Variants in NR3C2 observed in about 807,000 individuals in gnomAD.
NR3C2 encodes the protein mineralocorticoid receptor.
A neutral mutation model predicts 86.4 loss-of-function variants in NR3C2; 15 were observed. The ratio of observed to expected loss-of-function variants is 0.17; its 90% CI spans 0.12 to 0.27. The LOEUF (loss-of-function observed/expected upper bound fraction) is 0.27, where lower values mean the gene tolerates loss of function less well. NR3C2 is among the 10% of genes least tolerant of loss of function. The pLI, the probability that NR3C2 is intolerant of heterozygous loss-of-function variation, is 1.00. For missense variants in NR3C2, 960 were observed against 1,195.6 expected (o/e 0.80, Z 2.91); for synonymous variants, 458 against 450.5 (o/e 1.02, Z -0.21).
rs1206438685 is a variant in NR3C2, at chr4:148,323,377, C to A, written c.1758-63260G>T. Among the ~76,000 whole-genome samples, 4 of 149,154 alleles carry A rather than the reference C, an allele frequency of 2.7e-5. No homozygotes were observed. The East Asian group carries it at 7.9e-4, about 30-fold the overall frequency. ...CAGAGGTGGAGCCTACAGAAGCAGG[C>A]AGGCCTCCTTGAGCTGTGGTGGGCT... On this transcript the variant is annotated intron_variant, in intron 2 of 8. Transcript: ENST00000358102.
chr4:148,442,182 C>G lies in NR3C2; in HGVS notation c.-25G>C, dbSNP rs1271755796. 2.6e-5 allele frequency: 4 copies of G among 152,708 alleles called. No homozygotes were observed. Among genetic ancestry groups the G allele is most frequent in the African/African-American group, 9.6e-5 (4 of 41,484 alleles). 9.5% of individuals were successfully genotyped at this position (152,708 alleles called of 1,614,324 possible). A position where few individuals can be genotyped will look rare whatever the true frequency, so the allele number is the denominator to read the frequency against. Reference sequence around the variant, plus strand: ...CACCTGCCTCGGCCGGGGTCCGTCTCTCGCCGTCTACCTGTTGCAGCGCTT... The same window carrying G: ...CACCTGCCTCGGCCGGGGTCCGTCTGTCGCCGTCTACCTGTTGCAGCGCTT... On this transcript the variant is annotated 5_prime_UTR_variant, in exon 1 of 9. Coordinates refer to ENST00000358102, the MANE Select transcript of NR3C2 (RefSeq NM_000901.5).
chr4:148,139,576 A>T (rs1252477265), intron 6 of NR3C2, among the ~76,000 whole-genome samples: 1 of 152,154 alleles, frequency 6.6e-6, no homozygotes, highest in Non-Finnish European at 1.5e-5. Flanking sequence ...AGTGACGTCT[A>T]TTTCAAGGGA....
At chr4:148,399,079 G>C (rs2126523360) in intron 2 of NR3C2, among the ~76,000 whole-genome samples, 1 of 152,320 alleles carries the variant, frequency 6.6e-6, no homozygotes, top group South Asian at 2.1e-4. Context: ...TCCCTCCAGG[G>C]TCATTTCTCA....
intron 6 of NR3C2, among the ~76,000 whole-genome samples, chr4:148,145,842 A>G (rs1370094112): frequency 6.6e-6 from 1 of 152,198 alleles, no homozygotes; most frequent in African/African-American, 2.4e-5. Flanking sequence ...AAATTAAAAA[A>G]ACAATGGAAA....
intron 6 of NR3C2, among the ~76,000 whole-genome samples, chr4:148,121,553 G>C (rs952276658): frequency 6.6e-6 from 1 of 152,156 alleles, no homozygotes; most frequent in Non-Finnish European, 1.5e-5. Flanking sequence ...AAATGGCAGA[G>C]TTAAGGCCCA....
At chr4:148,399,407 A>G (rs971495738) in intron 2 of NR3C2, among the ~76,000 whole-genome samples, 2 of 151,822 alleles carry the variant, frequency 1.3e-5, no homozygotes, top group Admixed American at 1.3e-4. Context: ...ATATTAAATG[A>G]CATACATATA....
intron 4 of NR3C2, among the ~76,000 whole-genome samples, chr4:148,178,871 G>T (rs1735511142): frequency 6.8e-6 from 1 of 146,936 alleles, no homozygotes; most frequent in Admixed American, 6.8e-5. Context: ...AAACCACGAG[G>T]ATGCAAAAGC....
intron 4 of NR3C2, among the ~76,000 whole-genome samples, chr4:148,166,029 A>G (rs1181183909): frequency 6.6e-6 from 1 of 152,252 alleles, no homozygotes; most frequent in Non-Finnish European, 1.5e-5. Flanking sequence ...TTATGCATTT[A>G]AATATTACTC....
At chr4:148,200,078 C>T (rs1736643430) in intron 3 of NR3C2, among the ~76,000 whole-genome samples, 1 of 152,184 alleles carries the variant, frequency 6.6e-6, no homozygotes, top group South Asian at 2.1e-4. Context: ...AAAGAATAAG[C>T]CCAAGGAAGG....
At chr4:148,264,103 A>G (rs1217295854) in intron 2 of NR3C2, among the ~76,000 whole-genome samples, 1 of 152,230 alleles carries the variant, frequency 6.6e-6, no homozygotes, top group Non-Finnish European at 1.5e-5. Context: ...TATCAGTTCA[A>G]TTCCCATATG....
At position 148,079,317 on chromosome 4, in the gene NR3C2, T is replaced by TAAGA. The variant is rs1461817530; in HGVS notation, c.*2023_*2026dup. ...TAAATTCCTGAAATTGCAAATTATG[T>TAAGA]AAGAAAAACTCCTCCCTCTGAGTGC... On this transcript the variant is annotated 3_prime_UTR_variant, in exon 9 of 9. Coordinates refer to ENST00000358102, the MANE Select transcript of NR3C2 (RefSeq NM_000901.5). 4 of 152,206 alleles carry TAAGA rather than the reference T, an allele frequency of 2.6e-5. No individual in the cohort carries two copies. Among genetic ancestry groups the TAAGA allele is most frequent in the Non-Finnish European group, 5.9e-5 (4 of 68,042 alleles). 9.4% of individuals were successfully genotyped at this position (152,206 alleles called of 1,614,324 possible). A position where few individuals can be genotyped will look rare whatever the true frequency, so the allele number is the denominator to read the frequency against.
intron 8 of NR3C2, among the ~76,000 whole-genome samples, chr4:148,109,191 G>T (rs549554293): frequency 2.6e-5 from 4 of 152,040 alleles, no homozygotes; most frequent in African/African-American, 9.7e-5. Flanking sequence ...CATGACTCCT[G>T]CCCAGCACAG....
rs1396072156 is a variant in NR3C2 at position 148,079,480 on chromosome 4, C to G, written c.*1864G>C. 6.6e-6 allele frequency: 1 copy of G among 152,556 alleles called. No homozygotes were observed. The highest frequency in any genetic ancestry group is 1.5e-5 in the Non-Finnish European group (1 of 68,040). The allele number at this position is 152,556 out of a possible 1,614,324, so 9.5% of individuals were successfully genotyped here. A position where few individuals can be genotyped will look rare whatever the true frequency, so the allele number is the denominator to read the frequency against. ...TCGTGGCCATGGGCTTCTCCAGCTA[C>G]AGCTTTTAGATTTTGGAAAATAATT... On this transcript the variant is annotated 3_prime_UTR_variant, in exon 9 of 9. Transcript: ENST00000358102.
intron 3 of NR3C2, among the ~76,000 whole-genome samples, chr4:148,199,255 G>A (rs767149491): frequency 2.6e-5 from 4 of 151,922 alleles, no homozygotes; most frequent in East Asian, 1.9e-4. Context: ...ATTCAGCTCC[G>A]AACCCATCTT....
At chr4:148,097,465 C>T (rs888233056) in intron 8 of NR3C2, among the ~76,000 whole-genome samples, 2 of 152,168 alleles carry the variant, frequency 1.3e-5, no homozygotes, top group East Asian at 3.9e-4. Context: ...AAGAATTGCA[C>T]GCCAGGTTCT....
At chr4:148,115,911 A>G (rs1270247624) in intron 7 of NR3C2, among the ~76,000 whole-genome samples, 1 of 152,112 alleles carries the variant, frequency 6.6e-6, no homozygotes, top group Non-Finnish European at 1.5e-5. Context: ...TGAAAACTTT[A>G]TTTTAAAAGT....
At chr4:148,136,100 AC>A (rs1212006145) in intron 6 of NR3C2, among the ~76,000 whole-genome samples, 1 of 146,442 alleles carries the variant, frequency 6.8e-6, no homozygotes, top group East Asian at 2.0e-4. Context: ...CACCACCAAA[AC>A]CAACAAAAAA....
At chr4:148,282,664 G>A (rs937876277) in intron 2 of NR3C2, among the ~76,000 whole-genome samples, 1 of 152,244 alleles carries the variant, frequency 6.6e-6, no homozygotes, top group Admixed American at 6.5e-5. Context: ...TGGGAGTGGG[G>A]GAGTTGGAGG....
At chr4:148,297,399 A>G (rs370042431) in intron 2 of NR3C2, among the ~76,000 whole-genome samples, 32 of 152,376 alleles carry the variant, frequency 2.1e-4, no homozygotes, top group African/African-American at 7.5e-4. Flanking sequence ...ATACATAGGT[A>G]TAACTTAGAA....
Sources: gnomAD v4.1 joint callset for allele counts (sites outside exome capture counted in the v4.1 genomes callset) on GRCh38, gnomAD v4.1.1 for gene constraint, MANE v1.5 for transcripts, NCBI Gene and HGNC (gene_info 2026-07-23, HGNC 2026-07-21) for gene names.